The following RREB1 variants were observed in gnomAD, a reference collection of about 807,000 sequenced individuals.
The protein encoded by RREB1 is ras responsive element binding protein 1.
RREB1 carries 27 observed loss-of-function variants against 117.8 expected under a neutral mutation model. The ratio of observed to expected loss-of-function variants is 0.23; its 90% CI spans 0.17 to 0.32. RREB1 has a LOEUF of 0.32. Ranked by LOEUF, RREB1 falls within the 10% of genes least tolerant of loss-of-function variation. RREB1 has a pLI of 1.00. For missense variants in RREB1, 2,577 were observed against 2,378.2 expected (o/e 1.08, Z -1.74); for synonymous variants, 1,298 against 1,026.7 (o/e 1.26, Z -5.05).
intron 3 of RREB1, 55 bp from the exon 4 acceptor site, chr6:7,181,815 C>A: frequency 7.8e-7 from 1 of 1,275,152 alleles, no homozygotes; most frequent in Non-Finnish European, 1.1e-6. Flanking sequence ...CGCCCCCTGG[C>A]AATGACAGAA....
intron 10 of RREB1, among the ~76,000 whole-genome samples, chr6:7,232,171 G>A (rs923887793): frequency 6.6e-6 from 1 of 152,232 alleles, no homozygotes. Flanking sequence ...TGAGGTGAAA[G>A]TGGTCACAGG....
At chr6:7,237,189 G>A (rs1041415390) in intron 10 of RREB1, among the ~76,000 whole-genome samples, 36 of 152,140 alleles carry the variant, frequency 2.4e-4, no homozygotes, top group Middle Eastern at 3.4e-3. Context: ...GGGTTCAAGC[G>A]ATTCTCCTGC....
rs70978942 is a variant in RREB1 at position 7,118,801 on chromosome 6, A to ATTTTT, written c.-285+10767_-285+10771dup. Among the ~76,000 whole-genome samples the ATTTTT allele has an allele frequency of 8.5e-5, 4 of 47,054 alleles. 1 individual carries two copies. Among genetic ancestry groups the ATTTTT allele is most frequent in the African/African-American group, 3.7e-4 (4 of 10,916 alleles). The allele number at this position is 47,054 out of a possible 152,430, so 30.9% of individuals were successfully genotyped here. Reference sequence around the variant, plus strand: ...TGCCAATCCCATGGTGTTTTTTTTAATTTTTTTTTTTTTTTTTTTTTTTTT... The same window carrying ATTTTT: ...TGCCAATCCCATGGTGTTTTTTTTAATTTTTTTTTTTTTTTTTTTTTTTTTTTTTT... On this transcript the variant is annotated intron_variant, in intron 1 of 12. Transcript: ENST00000379938.
intron 4 of RREB1, 32 bp from the exon 5 acceptor site, chr6:7,187,402 A>T: frequency 7.2e-7 from 1 of 1,386,774 alleles, no homozygotes; most frequent in Non-Finnish European, 1.0e-6. Flanking sequence ...TGTGAGTTGA[A>T]ATTTATCTTC....
At position 7,126,275 on chromosome 6, in the gene RREB1, C is replaced by T. The variant is rs1761918505; in HGVS notation, c.-285+18215C>T. On this transcript the variant is annotated intron_variant, in intron 1 of 12. Transcript: ENST00000379938. ...TTGGCCTCCCAAAGTGCTGGGATTACAGGCGTGAGCCACTGCGCCCGGCCT... is the reference window on the plus strand; with the variant it reads ...TTGGCCTCCCAAAGTGCTGGGATTATAGGCGTGAGCCACTGCGCCCGGCCT... Among the ~76,000 whole-genome samples, 6 of 152,128 alleles carry T rather than the reference C, an allele frequency of 3.9e-5. No individual in the cohort carries two copies. In the South Asian group the frequency reaches 1.0e-3, roughly 26 times the overall value.
At chr6:7,226,127 T>C (rs1440235067) in intron 8 of RREB1, among the ~76,000 whole-genome samples, 1 of 152,168 alleles carries the variant, frequency 6.6e-6, no homozygotes, top group Non-Finnish European at 1.5e-5. Flanking sequence ...ATGATCCCAT[T>C]AATGCCTGAT....
In RREB1 at chr6:7,221,630, G is replaced by T. The variant is rs188680943; in HGVS notation, c.708-4837G>T. On this transcript the variant is annotated intron_variant, in intron 8 of 12. Coordinates refer to ENST00000379938, the MANE Select transcript of RREB1 (RefSeq NM_001003699.4). ...TTCCATGAAAAGGGTGTGAAGTGTG[G>T]ATCACCTTGCTTAGACTCTGTTAGG... Among the ~76,000 whole-genome samples, 194 of 152,320 alleles carry T rather than the reference G, an allele frequency of 1.3e-3. 1 individual carries two copies. Among genetic ancestry groups the T allele is most frequent in the Admixed American group, 2.7e-3 (41 of 15,300 alleles).
intron 8 of RREB1, chr6:7,212,089 G>A (rs1766642584): frequency 4.2e-6 from 1 of 238,922 alleles, no homozygotes; most frequent in Admixed American, 5.1e-5. Context: ...GCCCAAACAG[G>A]GACAGCCCAC....
Position 7,182,066 on chromosome 6 carries a change from T to C in RREB1, c.155T>C (p.Ile52Thr), listed in dbSNP as rs766196916. 6.2e-7 allele frequency: 1 copy of C among 1,613,956 alleles called. No homozygotes were observed. The highest frequency in any genetic ancestry group is 1.7e-5 in the Admixed American group (1 of 59,998). The change falls in exon 4 of 13, where the codon ATT becomes ACT. Residue 52 changes from isoleucine (I) to threonine (T), a missense_variant. Physicochemically the swap from Ile to Thr is moderately conservative, Grantham distance 89 (BLOSUM62 -1). Coordinates refer to ENST00000379938, the MANE Select transcript of RREB1 (RefSeq NM_001003699.4). ...TCGAAGCCTCCAGGACCAAATCGGA[T>C]TGGCAGAAGGAACCAGGTAAGTGTT... ...SPSKPPGPNR[I>T]GRRNQETKEE...
chr6:7,205,617 A>G (rs909243878), intron 6 of RREB1, among the ~76,000 whole-genome samples: 1 of 152,210 alleles, frequency 6.6e-6, no homozygotes, highest in Non-Finnish European at 1.5e-5. Flanking sequence ...TGCCTAAGGA[A>G]GGTCCGCAGA....
At chr6:7,190,254 A>G (rs928377658) in intron 6 of RREB1, among the ~76,000 whole-genome samples, 2 of 151,982 alleles carry the variant, frequency 1.3e-5, no homozygotes, top group African/African-American at 4.8e-5. Context: ...ACCTCTTTGT[A>G]CTCCAGTTTC....
At chr6:7,206,495 C>T (rs1323335778) in intron 6 of RREB1, among the ~76,000 whole-genome samples, 2 of 152,210 alleles carry the variant, frequency 1.3e-5, no homozygotes, top group African/African-American at 4.8e-5. Flanking sequence ...GTTCTTCCAT[C>T]CAGCAATTTA....
intron 9 of RREB1, among the ~76,000 whole-genome samples, chr6:7,227,455 C>T (rs919050570): frequency 6.6e-6 from 1 of 151,964 alleles, no homozygotes; most frequent in Non-Finnish European, 1.5e-5. Flanking sequence ...GCAGAAGAAT[C>T]GCTTGAACCC....
chr6:7,181,998 G>C lies in RREB1; in HGVS notation c.87G>C (p.Lys29Asn). ...TMMSAVMSVG[K>N]VTENGGSPQG... ...TGTCGGCGGTCATGAGTGTAGGGAA[G>C]GTCACAGAGAATGGCGGGAGCCCCC... The change falls in exon 4 of 13, where the codon AAG becomes AAC. Residue 29 changes from lysine to asparagine, a missense_variant. Coordinates refer to ENST00000379938, the MANE Select transcript of RREB1 (RefSeq NM_001003699.4). The C allele has an allele frequency of 3.7e-6, 6 of 1,613,814 alleles. No individual in the cohort carries two copies. Among genetic ancestry groups the C allele is most frequent in the Non-Finnish European group, 4.2e-6 (5 of 1,179,926 alleles).
chr6:7,167,349 A>ATTT lies in RREB1; in HGVS notation c.-284-9287_-284-9285dup, dbSNP rs777728313. On this transcript the variant is annotated intron_variant, in intron 1 of 12. Coordinates refer to ENST00000379938, the MANE Select transcript of RREB1 (RefSeq NM_001003699.4). ...TGTCCAACTTGTGGGCTGGGACAGG[A>ATTT]TTTTTTTTTTTTTTTTTTTTTGAGA... Among the ~76,000 whole-genome samples, 433 of 120,046 alleles carry ATTT rather than the reference A, an allele frequency of 3.6e-3. 2 individuals are homozygous for ATTT. Among genetic ancestry groups the ATTT allele is most frequent in the African/African-American group, 0.012 (394 of 31,984 alleles). 78.8% of individuals were successfully genotyped at this position (120,046 alleles called of 152,430 possible). A position where few individuals can be genotyped will look rare whatever the true frequency, so the allele number is the denominator to read the frequency against.
chr6:7,126,714 A>T (rs1423391632), intron 1 of RREB1, among the ~76,000 whole-genome samples: 1 of 152,234 alleles, frequency 6.6e-6, no homozygotes. Context: ...TAATACTGAG[A>T]AGCAATCTGG....
Position 7,164,829 on chromosome 6 carries a change from G to A in RREB1, c.-284-11826G>A, listed in dbSNP as rs569034511. The stretch of plus-strand genomic sequence containing the variant: ...TCGCTCCAAAGGCGAGGGGTCCAGT[G>A]TATTCCAGGCCATTTGCTTGTGCAA... On this transcript the variant is annotated intron_variant, in intron 1 of 12. Coordinates refer to ENST00000379938, the MANE Select transcript of RREB1 (RefSeq NM_001003699.4). 5.9e-5 allele frequency among the ~76,000 whole-genome samples: 9 copies of A among 152,370 alleles called. No homozygotes were observed. The East Asian group carries it at 1.7e-3, about 29-fold the overall frequency.
chr6:7,198,109 A>T (rs1210804219), intron 6 of RREB1, among the ~76,000 whole-genome samples: 1 of 152,182 alleles, frequency 6.6e-6, no homozygotes, highest in African/African-American at 2.4e-5. Context: ...GTGAACTTCC[A>T]TCATGGTCGT....
At chr6:7,114,615 C>T (rs543210654) in intron 1 of RREB1, among the ~76,000 whole-genome samples, 7 of 151,986 alleles carry the variant, frequency 4.6e-5, no homozygotes, top group South Asian at 4.1e-4. Context: ...GTACAGTAGT[C>T]GTGGCCTGGG....
Sources: allele counts gnomAD v4.1 joint callset (sites outside exome capture counted in the v4.1 genomes callset), GRCh38; gene constraint gnomAD v4.1.1; transcripts MANE v1.5; gene names NCBI Gene and HGNC (gene_info 2026-07-23, HGNC 2026-07-21).